ZFHX4: variants seen among roughly 807,000 people sequenced by gnomAD.
The protein encoded by ZFHX4 is zinc finger homeobox protein 4.
ZFHX4 carries 56 observed loss-of-function variants against 267.6 expected under a neutral mutation model. The ratio of observed to expected loss-of-function variants is 0.21; its 90% confidence interval spans 0.17 to 0.26. The LOEUF (loss-of-function observed/expected upper bound fraction) is 0.26, where lower values mean the gene tolerates loss of function less well. Among genes scored for constraint, ZFHX4 ranks in the 10% least tolerant of loss-of-function variants. ZFHX4 has a pLI of 1.00. For missense variants in ZFHX4, 4,332 were observed against 4,420.0 expected (o/e 0.98, Z 0.56); for synonymous variants, 1,778 against 1,665.6 (o/e 1.07, Z -1.64).
rs370676988 is a variant in ZFHX4 at position 76,705,137 on chromosome 8, C to A, written c.1049C>A (p.Thr350Asn). ...ACTTCTGTTTATCCCCATTTTTCTA[C>A]TACAAACCTCATAGGACCCGATCCA... ...KSTSVYPHFS[T>N]TNLIGPDPTF... The change falls in exon 2 of 11, where the codon ACT (threonine) becomes AAT (asparagine). Residue 350 changes from threonine (T) to asparagine (N), a missense_variant. This residue lies in a region of ZFHX4 where 1,195 missense variants were observed against 1,173.6 expected (regional missense o/e 1.02). Coordinates refer to ENST00000651372, the MANE Select transcript of ZFHX4 (RefSeq NM_024721.5). 153 of 1,613,572 alleles carry A rather than the reference C, an allele frequency of 9.5e-5. No individual in the cohort carries two copies. The highest frequency in any genetic ancestry group is 1.2e-4 in the Non-Finnish European group (142 of 1,179,832).
chr8:76,730,315 A>G (rs1808969567), intron 3 of ZFHX4, among the ~76,000 whole-genome samples: 1 of 152,178 alleles, frequency 6.6e-6, no homozygotes, highest in Admixed American at 6.6e-5. Context: ...CTCTGAAGAA[A>G]ATGTATTCAT....
chr8:76,841,474 A>G (rs1585999224), intron 5 of ZFHX4, among the ~76,000 whole-genome samples: 2 of 152,294 alleles, frequency 1.3e-5, no homozygotes, highest in East Asian at 3.9e-4. Flanking sequence ...TTAATGCTTG[A>G]CACTTAAAAT....
At chr8:76,691,236 G>A (rs992031923) in intron 1 of ZFHX4, among the ~76,000 whole-genome samples, 4 of 152,066 alleles carry the variant, frequency 2.6e-5, no homozygotes, top group African/African-American at 9.7e-5. Context: ...GTAGAATCTG[G>A]ATGGCCTCTT....
In ZFHX4 at chr8:76,681,258, T is replaced by C; in HGVS notation, c.-409T>C. On this transcript the variant is annotated 5_prime_UTR_variant, in exon 1 of 11. It removes an upstream start codon present in the reference 5' UTR. Transcript: ENST00000651372. ...TATCGGGAATAGACACACAAAGACA[T>C]GCGCACTCAACTTAATCAGCCATTT... 1 of 393,862 alleles carries C rather than the reference T, an allele frequency of 2.5e-6. No individual in the cohort carries two copies. The highest frequency in any genetic ancestry group is 4.5e-6 in the Non-Finnish European group (1 of 223,106). The allele number at this position is 393,862 out of a possible 1,614,324, so 24.4% of individuals were successfully genotyped here. A position where few individuals can be genotyped will look rare whatever the true frequency, so the allele number is the denominator to read the frequency against.
At position 76,706,392 on chromosome 8, in the gene ZFHX4, G is replaced by A; in HGVS notation, c.2304G>A (p.Arg768=). 4.3e-6 allele frequency: 7 copies of A among 1,614,158 alleles called. No individual in the cohort carries two copies. The highest frequency in any genetic ancestry group is 1.6e-4 in the Middle Eastern group (1 of 6,062). Residue 768 remains arginine (R), a synonymous_variant, in exon 2 of 11, where the codon CGG becomes CGA. Transcript: ENST00000651372. ...PSKPKQKPTW[R]CEVCDYETNV... ...AACCCAAACAGAAACCCACCTGGCG[G>A]TGTGAAGTTTGTGATTATGAAACCA...
chr8:76,821,709 A>G (rs1190796315), intron 4 of ZFHX4, among the ~76,000 whole-genome samples: 1 of 152,114 alleles, frequency 6.6e-6, no homozygotes, highest in Admixed American at 6.5e-5. Flanking sequence ...ATAAAGAAAA[A>G]ACAGCAATAA....
intron 4 of ZFHX4, among the ~76,000 whole-genome samples, chr8:76,832,661 G>A (rs958607992): frequency 4.6e-5 from 7 of 152,132 alleles, no homozygotes; most frequent in Admixed American, 2.0e-4. Flanking sequence ...ATGAGATGTC[G>A]AAGGAAATTT....
intron 3 of ZFHX4, among the ~76,000 whole-genome samples, chr8:76,769,616 T>C (rs1810206702): frequency 6.6e-6 from 1 of 152,132 alleles, no homozygotes; most frequent in Non-Finnish European, 1.5e-5. Flanking sequence ...CCTCCCAAAG[T>C]GCTAGGATCA....
intron 3 of ZFHX4, among the ~76,000 whole-genome samples, chr8:76,738,775 C>T (rs1010557117): frequency 3.3e-5 from 5 of 150,974 alleles, no homozygotes; most frequent in Non-Finnish European, 7.4e-5. Context: ...GCTCTGTCAC[C>T]CAGGCTGGAG....
At position 76,854,238 on chromosome 8, in the gene ZFHX4, A is replaced by G. The variant is rs1450223200; in HGVS notation, c.7317A>G (p.Pro2439=). The change falls in exon 10 of 11, where the codon CCA becomes CCG. Residue 2439 remains proline (P), a synonymous_variant. Transcript: ENST00000651372. ...TAGCATCGACTTCCTCGGACCCACC[A>G]CAGGCATCCACAGCCCAGCCACAGC... ...LPLASTSSDP[P]QASTAQPQPQ... The G allele has an allele frequency of 1.3e-6, 2 of 1,568,312 alleles. No individual in the cohort carries two copies. Among genetic ancestry groups the G allele is most frequent in the Non-Finnish European group, 1.7e-6 (2 of 1,156,866 alleles).
rs1355028364 is a variant in ZFHX4 at position 76,850,261 on chromosome 8, T to C, written c.3863T>C (p.Val1288Ala). The C allele has an allele frequency of 6.2e-7, 1 of 1,612,626 alleles. No individual in the cohort carries two copies. Among genetic ancestry groups the C allele is most frequent in the East Asian group, 2.2e-5 (1 of 44,798 alleles). ...KLLMTVPVPD[V>A]MMPNSMLLPA... The stretch of plus-strand genomic sequence containing the variant: ...TTTCCAAAGGTGCCTGTCCCTGATG[T>C]GATGATGCCAAACAGTATGCTACTG... Residue 1288 changes from valine (V) to alanine (A), a missense_variant, in exon 9 of 11, where the codon GTG (valine) becomes GCG (alanine). By Grantham distance (64) the Val-to-Ala change is moderately conservative (BLOSUM62 0). Coordinates refer to ENST00000651372, the MANE Select transcript of ZFHX4 (RefSeq NM_024721.5).
rs752217978 is a variant in ZFHX4 at position 76,705,156 on chromosome 8, C to T, written c.1068C>T (p.Pro356=). 9 of 1,613,724 alleles carry T rather than the reference C, an allele frequency of 5.6e-6. No individual in the cohort carries two copies. The highest frequency in any genetic ancestry group is 2.2e-5 in the East Asian group (1 of 44,872). The change falls in exon 2 of 11, where the codon CCC becomes CCT. Residue 356 remains proline, a synonymous_variant. Transcript: ENST00000651372. The part of the protein sequence containing the change: ...PHFSTTNLIG[P]DPTFRGLWSA... ...TTTCTACTACAAACCTCATAGGACC[C>T]GATCCAACCTTCCGCGGTTTATGGA...
At chr8:76,803,490 C>G (rs1320191817) in intron 4 of ZFHX4, among the ~76,000 whole-genome samples, 3 of 152,072 alleles carry the variant, frequency 2.0e-5, no homozygotes, top group Non-Finnish European at 4.4e-5. Flanking sequence ...CTAAATAGGT[C>G]TTTCTTGGTA....
chr8:76,773,928 G>T (rs1320903310), intron 3 of ZFHX4, among the ~76,000 whole-genome samples: 2 of 152,078 alleles, frequency 1.3e-5, no homozygotes, highest in Non-Finnish European at 2.9e-5. Flanking sequence ...GTTTTTACCT[G>T]TGAGAAGACA....
chr8:76,854,290 C>G lies in ZFHX4; in HGVS notation c.7369C>G (p.Gln2457Glu). Residue 2457 changes from glutamine to glutamate, a missense_variant, in exon 10 of 11, where the codon CAA becomes GAA. Physicochemically the swap from Gln to Glu is conservative, Grantham distance 29 (BLOSUM62 2). Around this residue, in one of 7 missense-constraint regions of ZFHX4, gnomAD observed 1,648 missense variants for 1,625.0 expected, o/e 1.01. Transcript: ENST00000651372. ...QPQPQPPKQP[Q>E]LIGRPPSASQ... ...ACAGCCACAGCCACCAAAACAACCC[C>G]AACTTATCGGAAGACCTCCCTCGGC... is the stretch of plus-strand genomic sequence containing the variant. 1 of 1,603,086 alleles carries G rather than the reference C, an allele frequency of 6.2e-7. No homozygotes were observed. The highest frequency in any genetic ancestry group is 8.5e-7 in the Non-Finnish European group (1 of 1,174,438).
At chr8:76,709,835 G>C (rs950540589) in intron 3 of ZFHX4, among the ~76,000 whole-genome samples, 4 of 148,430 alleles carry the variant, frequency 2.7e-5, no homozygotes, top group African/African-American at 1.0e-4. Context: ...GTGTGTGTAA[G>C]TTTATCCATT....
chr8:76,751,625 G>A (rs1563500839), intron 3 of ZFHX4, among the ~76,000 whole-genome samples: 1 of 152,110 alleles, frequency 6.6e-6, no homozygotes, highest in Non-Finnish European at 1.5e-5. Flanking sequence ...GAATTGTGAG[G>A]GATACAAGTG....
intron 1 of ZFHX4, among the ~76,000 whole-genome samples, chr8:76,696,489 T>C (rs1807960223): frequency 6.6e-6 from 1 of 152,054 alleles, no homozygotes; most frequent in South Asian, 2.1e-4. Context: ...AAAGGGATAA[T>C]ATGTGGGTAA....
At chr8:76,780,940 A>G (rs565673060) in intron 4 of ZFHX4, among the ~76,000 whole-genome samples, 1 of 152,142 alleles carries the variant, frequency 6.6e-6, no homozygotes, top group Middle Eastern at 3.2e-3. Flanking sequence ...GACTTTGTAT[A>G]GGACCTGGGT....
Sources: gnomAD v4.1 joint callset for allele counts (sites outside exome capture counted in the v4.1 genomes callset) on GRCh38, gnomAD v4.1.1 for gene constraint, gnomAD v4.1.1 regional missense constraint, MANE v1.5 for transcripts, NCBI Gene and HGNC (gene_info 2026-07-23, HGNC 2026-07-21) for gene names.